The following ABCA5 variants were observed in gnomAD, a reference collection of about 807,000 sequenced individuals.
The protein encoded by ABCA5 is cholesterol transporter ABCA5.
A neutral mutation model predicts 206.0 loss-of-function variants in ABCA5; 163 were observed. The ratio of observed to expected loss-of-function variants is 0.79; its 90% CI spans 0.70 to 0.90. The LOEUF (loss-of-function observed/expected upper bound fraction) is 0.90, where lower values mean the gene tolerates loss of function less well. Ranked by LOEUF, ABCA5 falls within the 40% of genes least tolerant of loss-of-function variation. ABCA5 has a pLI of 0.00. For synonymous variants in ABCA5, 609 were observed against 613.8 expected (o/e 0.99, Z 0.11); for missense variants, 1,859 against 1,912.9 (o/e 0.97, Z 0.53).
At chr17:69,273,676 G>A (rs1416752697) in intron 20 of ABCA5, among the ~76,000 whole-genome samples, 5 of 151,892 alleles carry the variant, frequency 3.3e-5, no homozygotes, top group African/African-American at 2.4e-5. Flanking sequence ...GGATGGTCTC[G>A]ATCCCCTGAC....
In ABCA5 at chr17:69,286,252, T is replaced by C; in HGVS notation, c.2101A>G (p.Lys701Glu). The C allele has an allele frequency of 6.3e-7, 1 of 1,595,348 alleles. No homozygotes were observed. Among genetic ancestry groups the C allele is most frequent in the Non-Finnish European group, 8.5e-7 (1 of 1,175,616 alleles). The change falls in exon 16 of 39, where the codon AAA (lysine) becomes GAA (glutamate). Residue 701 changes from lysine (K) to glutamate (E), a missense_variant. By Grantham distance (56) the Lys-to-Glu change is moderately conservative (BLOSUM62 1). Transcript: ENST00000392676. ...LKCVGSSMFLKSKWGIGYRLS... is the reference protein window; with the variant it reads ...LKCVGSSMFLESKWGIGYRLS... Reference sequence around the variant, plus strand: ...CGGTAGCCGATCCCCCATTTACTTTTGAGGAACATTGAAGAACCAACACAT... The same window carrying C: ...CGGTAGCCGATCCCCCATTTACTTTCGAGGAACATTGAAGAACCAACACAT...
chr17:69,287,549 T>C (rs1311553834), intron 15 of ABCA5, 64 bp downstream of exon 15: 1 of 1,520,438 alleles, frequency 6.6e-7, no homozygotes, highest in African/African-American at 1.4e-5. Context: ...GGAATTAGCA[T>C]CTCTATATCC....
In ABCA5 at chr17:69,261,156, G is replaced by A; in HGVS notation, c.3533C>T (p.Pro1178Leu). 3 of 1,598,292 alleles carry A rather than the reference G, an allele frequency of 1.9e-6. No individual in the cohort carries two copies. The stretch of plus-strand genomic sequence containing the variant: ...GAAAGAAATCAGGCAACCTAGAAGT[G>A]GATAGATTGGAATGATGATACAAAA... ...YAFCIIIPIY[P>L]LLGCLISFIK... Residue 1178 changes from proline to leucine, a missense_variant, in exon 26 of 39, where the codon CCA becomes CTA. By Grantham distance (98) the Pro-to-Leu change is moderately conservative. Coordinates refer to ENST00000392676, the MANE Select transcript of ABCA5 (RefSeq NM_172232.4).
At chr17:69,280,506 C>T (rs1210558932) in intron 18 of ABCA5, among the ~76,000 whole-genome samples, 7 of 150,934 alleles carry the variant, frequency 4.6e-5, no homozygotes, top group Non-Finnish European at 8.9e-5. Flanking sequence ...ACTAGAAATA[C>T]CATTTGACCC....
chr17:69,253,160 A>G (rs1221598641), intron 34 of ABCA5, among the ~76,000 whole-genome samples: 1 of 152,176 alleles, frequency 6.6e-6, no homozygotes, highest in African/African-American at 2.4e-5. Flanking sequence ...TTGCACAACG[A>G]CAACATCACC....
At chr17:69,283,887 A>T in intron 18 of ABCA5, 66 bp downstream of exon 18, 1 of 1,476,976 alleles carries the variant, frequency 6.8e-7, no homozygotes, top group Non-Finnish European at 9.1e-7. Context: ...ACATTTATAT[A>T]ATTTTTGTCT....
intron 5 of ABCA5, among the ~76,000 whole-genome samples, chr17:69,307,256 A>T (rs1300725334): frequency 6.6e-6 from 1 of 152,100 alleles, no homozygotes; most frequent in Non-Finnish European, 1.5e-5. Context: ...TAAGCAGACA[A>T]TTATATGTAT....
At chr17:69,280,873 G>A (rs1043138075) in intron 18 of ABCA5, among the ~76,000 whole-genome samples, 6 of 152,096 alleles carry the variant, frequency 3.9e-5, no homozygotes, top group African/African-American at 1.4e-4. Flanking sequence ...ATCACACTGG[G>A]CACTATTGTG....
rs1387534510 is a variant in ABCA5 at position 69,306,841 on chromosome 17, G to A, written c.672C>T (p.Tyr224=). The part of the protein sequence containing the change: ...DTFPRGVILI[Y]LVIAFSPFGY... ...CAAAAGGTGAAAATGCTATAACTAG[G>A]TATATTAAAATTACTCCTCGGGGAA... The change falls in exon 6 of 39, where the codon TAC becomes TAT. Residue 224 remains tyrosine, a synonymous_variant. Transcript: ENST00000392676. 4 of 1,603,312 alleles carry A rather than the reference G, an allele frequency of 2.5e-6. No individual in the cohort carries two copies. The highest frequency in any genetic ancestry group is 1.7e-4 in the Middle Eastern group (1 of 6,008).
chr17:69,248,263 T>C lies in ABCA5; in HGVS notation c.4820A>G (p.Gln1607Arg). The C allele has an allele frequency of 6.5e-7, 1 of 1,536,202 alleles. No individual in the cohort carries two copies. The highest frequency in any genetic ancestry group is 8.9e-7 in the Non-Finnish European group (1 of 1,123,522). Residue 1607 changes from glutamine (Q) to arginine (R), a missense_variant and splice_region_variant, in exon 38 of 39, where the codon CAG becomes CGG. Coordinates refer to ENST00000392676, the MANE Select transcript of ABCA5 (RefSeq NM_172232.4). ...EYSFSQATLE[Q>R]VFVELTKEQE... ...TTTAAAAATTTAACTTTATAGTACC[T>C]GTTCCAATGTTGCTTGAGAAAAGCT...
chr17:69,309,805 A>T (rs865865717), intron 3 of ABCA5, among the ~76,000 whole-genome samples: 1 of 152,124 alleles, frequency 6.6e-6, no homozygotes, highest in Non-Finnish European at 1.5e-5. Flanking sequence ...GAGCAACTGC[A>T]CTCCAGCTTA....
Position 69,244,554 on chromosome 17 carries a change from T to C in ABCA5, c.*2983A>G, listed in dbSNP as rs79991626. The C allele has an allele frequency of 3.5e-3, 527 of 151,876 alleles. 4 individuals are homozygous for C. Among genetic ancestry groups the C allele is most frequent in the African/African-American group, 0.012 (507 of 41,534 alleles). The allele number at this position is 151,876 out of a possible 1,614,324, so 9.4% of individuals were successfully genotyped here. On this transcript the variant is annotated 3_prime_UTR_variant, in exon 39 of 39. Coordinates refer to ENST00000392676, the MANE Select transcript of ABCA5 (RefSeq NM_172232.4). Reference sequence around the variant, plus strand: ...CTGATAAGAATAGCTGATATAAAAATTATTCATCTGAGAATAAATTCTTTC... The same window carrying C: ...CTGATAAGAATAGCTGATATAAAAACTATTCATCTGAGAATAAATTCTTTC...
chr17:69,264,607 C>T, intron 24 of ABCA5, 128 bp downstream of exon 24: 1 of 517,334 alleles, frequency 1.9e-6, no homozygotes, highest in Non-Finnish European at 3.1e-6. Context: ...AAATACCAGA[C>T]ACACTTGCTC....
intron 3 of ABCA5, among the ~76,000 whole-genome samples, chr17:69,312,735 C>T (rs1302529342): frequency 2.0e-5 from 3 of 152,142 alleles, no homozygotes; most frequent in Admixed American, 1.3e-4. Context: ...CAGGCACATG[C>T]TACCACATTC....
Position 69,294,700 on chromosome 17 carries a change from G to A in ABCA5, c.1450C>T (p.Gln484Ter). The A allele has an allele frequency of 6.3e-7, 1 of 1,599,138 alleles. No homozygotes were observed. Residue 484 changes from glutamine (Q) to a stop codon, truncating the protein, a stop_gained, in exon 11 of 39, where the codon CAG becomes TAG. Transcript: ENST00000392676. LOFTEE classifies it high-confidence loss of function. ...GKEAIRISGI[Q>*]KTYRKKGENV... ...TCACCCTTCTTTCTGTATGTCTTCT[G>A]AATACCACTAATTCTGAAATATAAA... is the stretch of plus-strand genomic sequence containing the variant.
intron 34 of ABCA5, 146 bp from the exon 35 acceptor site, chr17:69,252,012 T>A (rs759792867): frequency 1.2e-5 from 9 of 742,400 alleles, no homozygotes; most frequent in South Asian, 2.0e-5. Flanking sequence ...CCTGCCCAAC[T>A]ATGATTTTTT....
chr17:69,256,504 G>A (rs983686404), intron 28 of ABCA5, among the ~76,000 whole-genome samples: 2 of 149,670 alleles, frequency 1.3e-5, no homozygotes, highest in Non-Finnish European at 3.0e-5. Flanking sequence ...TGCCCAGGCT[G>A]GAGTGCAGTG....
intron 24 of ABCA5, among the ~76,000 whole-genome samples, chr17:69,263,331 T>C (rs2075169890): frequency 6.6e-6 from 1 of 152,220 alleles, no homozygotes; most frequent in South Asian, 2.1e-4. Flanking sequence ...TGGTATTTCC[T>C]ATGTTTTCTT....
intron 9 of ABCA5, among the ~76,000 whole-genome samples, chr17:69,298,958 A>C (rs1008312626): frequency 2.6e-5 from 4 of 152,200 alleles, no homozygotes; most frequent in Non-Finnish European, 5.9e-5. Flanking sequence ...TCTATGAGTC[A>C]CTCAAATCAG....
Sources: allele counts gnomAD v4.1 joint callset (sites outside exome capture counted in the v4.1 genomes callset), GRCh38; gene constraint gnomAD v4.1.1; transcripts MANE v1.5; gene names NCBI Gene and HGNC (gene_info 2026-07-23, HGNC 2026-07-21).